Variants in RBMS3 observed in about 807,000 individuals in gnomAD.
RBMS3 encodes the protein RNA-binding motif, single-stranded-interacting protein 3.
Under a neutral mutation model 66.8 loss-of-function variants are expected in RBMS3, and 27 were observed. The ratio of observed to expected loss-of-function variants is 0.40; its 90% CI spans 0.30 to 0.56. The LOEUF is 0.56. RBMS3 is among the 20% of genes least tolerant of loss of function. The probability of loss-of-function intolerance (pLI) is 0.40; values close to 1 mark genes in which losing one functional copy is unlikely to be tolerated. For missense variants in RBMS3, 513 were observed against 549.5 expected (o/e 0.93, Z 0.66); for synonymous variants, 188 against 183.0 (o/e 1.03, Z -0.22).
chr3:29,715,898 T>C (rs769143790), intron 4 of RBMS3, among the ~76,000 whole-genome samples: 13 of 152,168 alleles, frequency 8.5e-5, no homozygotes, highest in Non-Finnish European at 1.3e-4. Flanking sequence ...GCACAAATCC[T>C]AAATGGGTCT....
intron 1 of RBMS3, among the ~76,000 whole-genome samples, chr3:29,425,264 G>T (rs1575779947): frequency 6.7e-6 from 1 of 149,264 alleles, no homozygotes; most frequent in Non-Finnish European, 1.5e-5. Flanking sequence ...GTCCCAGCTA[G>T]TTGGGAGGCT....
intron 2 of RBMS3, among the ~76,000 whole-genome samples, chr3:29,459,147 A>G (rs2042289192): frequency 6.6e-6 from 1 of 152,168 alleles, no homozygotes; most frequent in South Asian, 2.1e-4. Context: ...CCACCCTATT[A>G]TGTGCAAGGC....
At chr3:29,361,574 C>T (rs1404914496) in intron 1 of RBMS3, among the ~76,000 whole-genome samples, 1 of 152,122 alleles carries the variant, frequency 6.6e-6, no homozygotes, top group East Asian at 1.9e-4. Flanking sequence ...CTCTGTATCT[C>T]CTGAATTTGA....
chr3:29,514,485 C>A (rs9813185), intron 3 of RBMS3, among the ~76,000 whole-genome samples: 17,253 of 151,514 alleles, frequency 0.11, 1,560 homozygotes, highest in East Asian at 0.39. Flanking sequence ...ATGGGATTTA[C>A]ACATACGAGT....
At chr3:29,358,758 T>C (rs56169811) in intron 1 of RBMS3, among the ~76,000 whole-genome samples, 32,971 of 152,138 alleles carry the variant, frequency 0.22, 3,641 homozygotes, top group Admixed American at 0.27. Context: ...AAGAGGTCCT[T>C]CACATCCCTT....
At chr3:29,828,094 GAC>G (rs2058257580) in intron 6 of RBMS3, among the ~76,000 whole-genome samples, 1 of 151,888 alleles carries the variant, frequency 6.6e-6, no homozygotes, top group African/African-American at 2.4e-5. Context: ...GAGAGAGAGA[GAC>G]AGAGAGAATG....
chr3:29,882,497 A>G (rs2059759795), intron 7 of RBMS3, among the ~76,000 whole-genome samples: 2 of 152,096 alleles, frequency 1.3e-5, no homozygotes, highest in African/African-American at 4.8e-5. Context: ...AACTTCTGAC[A>G]GTCATTTCAA....
intron 1 of RBMS3, among the ~76,000 whole-genome samples, chr3:29,389,086 A>G (rs556068356): frequency 8.5e-5 from 13 of 152,344 alleles, no homozygotes; most frequent in Non-Finnish European, 1.8e-4. Context: ...TAGTGAAGAC[A>G]TAACAGCAGA....
Position 29,582,835 on chromosome 3 carries a change from G to C in RBMS3, c.308-4279G>C, listed in dbSNP as rs1293920245. On this transcript the variant is annotated intron_variant, in intron 3 of 14. Transcript: ENST00000383767. ...TTCTGATTGTGATGTAGTATCTGCTGTCATGTAAAACTCAGTAATGCAATG... is the reference window on the plus strand; with the variant it reads ...TTCTGATTGTGATGTAGTATCTGCTCTCATGTAAAACTCAGTAATGCAATG... Among the ~76,000 whole-genome samples the C allele has an allele frequency of 2.0e-5, 3 of 152,108 alleles. No individual in the cohort carries two copies. In the East Asian group the frequency reaches 5.8e-4, roughly 29 times the overall value.
chr3:29,483,238 G>A (rs1211085141), intron 2 of RBMS3, among the ~76,000 whole-genome samples: 1 of 150,424 alleles, frequency 6.6e-6, no homozygotes, highest in East Asian at 2.0e-4. Context: ...GAACCCTGGA[G>A]GCGGAGCTTG....
intron 2 of RBMS3, among the ~76,000 whole-genome samples, chr3:29,473,772 G>A (rs13077047): frequency 0.24 from 35,971 of 152,196 alleles, 4,390 homozygotes; most frequent in Admixed American, 0.3. Flanking sequence ...GCCCGGGGCC[G>A]GCAGGGCCGG....
chr3:29,561,861 A>G (rs142875901), intron 3 of RBMS3, among the ~76,000 whole-genome samples: 3,022 of 152,224 alleles, frequency 0.02, 47 homozygotes, highest in Non-Finnish European at 0.026. Context: ...TTTTGGCCAC[A>G]TGTATTTCTT....
At chr3:29,771,553 A>C (rs763916521) in intron 6 of RBMS3, among the ~76,000 whole-genome samples, 62 of 152,208 alleles carry the variant, frequency 4.1e-4, no homozygotes, top group Non-Finnish European at 4.4e-4. Context: ...TTAAGGTTAC[A>C]GCAAAAATTA....
At chr3:29,837,835 A>C (rs1172906734) in intron 6 of RBMS3, among the ~76,000 whole-genome samples, 1 of 150,892 alleles carries the variant, frequency 6.6e-6, no homozygotes, top group Non-Finnish European at 1.5e-5. Flanking sequence ...GCATTCCTTC[A>C]TACTTCCAGA....
At chr3:29,477,825 G>C (rs78686455) in intron 2 of RBMS3, among the ~76,000 whole-genome samples, 1 of 151,900 alleles carries the variant, frequency 6.6e-6, no homozygotes, top group Non-Finnish European at 1.5e-5. Flanking sequence ...GAGTGCAGTC[G>C]TGCAATCTCA....
intron 4 of RBMS3, among the ~76,000 whole-genome samples, chr3:29,609,537 A>G (rs1013939413): frequency 1.3e-5 from 2 of 152,014 alleles, no homozygotes; most frequent in Admixed American, 6.6e-5. Flanking sequence ...GTATTTCACT[A>G]TGTAAACAAC....
intron 3 of RBMS3, among the ~76,000 whole-genome samples, chr3:29,574,186 G>T (rs1226626522): frequency 6.6e-6 from 1 of 152,020 alleles, no homozygotes; most frequent in African/African-American, 2.4e-5. Context: ...ATTGTATTGA[G>T]GTCTACCTTT....
intron 1 of RBMS3, among the ~76,000 whole-genome samples, chr3:29,344,917 A>T (rs2036486064): frequency 6.6e-6 from 1 of 152,184 alleles, no homozygotes; most frequent in Non-Finnish European, 1.5e-5. Flanking sequence ...TGTCCCCTTT[A>T]ACTCAAGCCC....
chr3:29,940,464 T>C (rs1330106026), intron 11 of RBMS3, among the ~76,000 whole-genome samples: 1 of 151,660 alleles, frequency 6.6e-6, no homozygotes, highest in Non-Finnish European at 1.5e-5. Context: ...TAATCTAGAG[T>C]AGGAAGTGAT....
Sources: gnomAD v4.1 joint callset for allele counts (sites outside exome capture counted in the v4.1 genomes callset) on GRCh38, gnomAD v4.1.1 for gene constraint, MANE v1.5 for transcripts, NCBI Gene and HGNC (gene_info 2026-07-23, HGNC 2026-07-21) for gene names.